CDH13: variants seen among roughly 807,000 people sequenced by gnomAD.
The protein encoded by CDH13 is cadherin-13.
CDH13 carries 24 observed loss-of-function variants against 63.8 expected under a neutral mutation model. That is an observed-to-expected ratio of 0.38 (90% CI 0.27 to 0.53). CDH13 has a LOEUF of 0.53. Ranked by LOEUF, CDH13 falls within the 20% of genes least tolerant of loss-of-function variation. CDH13 has a pLI of 0.85. For synonymous variants in CDH13, 503 were observed against 355.3 expected (o/e 1.42, Z -4.67); for missense variants, 1,049 against 903.1 (o/e 1.16, Z -2.07).
At chr16:83,152,042 A>G (rs1225365973) in intron 4 of CDH13, among the ~76,000 whole-genome samples, 1 of 152,218 alleles carries the variant, frequency 6.6e-6, no homozygotes, top group Admixed American at 6.5e-5. Context: ...GATTTAGTCT[A>G]TAACCATTGA....
intron 1 of CDH13, among the ~76,000 whole-genome samples, chr16:82,742,944 T>C (rs2033998646): frequency 6.6e-6 from 1 of 152,222 alleles, no homozygotes; most frequent in Non-Finnish European, 1.5e-5. Context: ...ATTAATGTAA[T>C]TTTAAGTGCA....
intron 1 of CDH13, among the ~76,000 whole-genome samples, chr16:82,845,641 A>C (rs1040896669): frequency 2.0e-5 from 3 of 152,090 alleles, no homozygotes; most frequent in African/African-American, 7.2e-5. Flanking sequence ...GTAGGCATTC[A>C]TTATTTTCTC....
intron 2 of CDH13, among the ~76,000 whole-genome samples, chr16:83,015,724 A>AGAG (rs1555562946): frequency 4.1e-5 from 2 of 49,094 alleles, no homozygotes; most frequent in African/African-American, 6.1e-5. Flanking sequence ...TATATATATA[A>AGAG]AGAAAAAGCA....
At chr16:83,223,550 A>G (rs1248090446) in intron 5 of CDH13, among the ~76,000 whole-genome samples, 3 of 152,124 alleles carry the variant, frequency 2.0e-5, no homozygotes, top group African/African-American at 7.2e-5. Context: ...GATGCTCACA[A>G]CTGGATGTGG....
intron 3 of CDH13, among the ~76,000 whole-genome samples, chr16:83,037,709 T>C (rs1916989076): frequency 4.6e-5 from 7 of 152,150 alleles, no homozygotes; most frequent in Admixed American, 2.6e-4. Context: ...AGTACAAATT[T>C]GAAGGAAGAA....
intron 4 of CDH13, among the ~76,000 whole-genome samples, chr16:83,191,533 A>ATG (rs1479926790): frequency 3.0e-5 from 2 of 67,238 alleles, no homozygotes; most frequent in African/African-American, 1.4e-4. Flanking sequence ...ACACACACAT[A>ATG]TATATATATA....
At chr16:83,331,175 C>A (rs1490889035) in intron 5 of CDH13, among the ~76,000 whole-genome samples, 2 of 152,134 alleles carry the variant, frequency 1.3e-5, no homozygotes, top group Non-Finnish European at 2.9e-5. Context: ...TAAAACCCAC[C>A]TTTGGAATCT....
rs907490659 is a variant in CDH13, at chr16:82,719,325, A to G, written c.45+92188A>G. On this transcript the variant is annotated intron_variant, in intron 1 of 13. Coordinates refer to ENST00000567109, the MANE Select transcript of CDH13 (RefSeq NM_001257.5). ...GGAGATGCACTGTTACTAAAGACTTAAAGCTTGGAACTTAAAAGTCTACAT... is the reference window on the plus strand; with the variant it reads ...GGAGATGCACTGTTACTAAAGACTTGAAGCTTGGAACTTAAAAGTCTACAT... The G allele has an allele frequency of 1.5e-5, 7 of 454,972 alleles. 1 individual carries two copies. The highest frequency in any genetic ancestry group is 1.4e-4 in the African/African-American group (7 of 50,022). 28.2% of individuals were successfully genotyped at this position (454,972 alleles called of 1,614,324 possible). A position where few individuals can be genotyped will look rare whatever the true frequency, so the allele number is the denominator to read the frequency against.
Position 83,014,754 on chromosome 16 carries a change from A to ATATATATATATATG in CDH13, c.158-17243_158-17242insGTATATATATATAT, listed in dbSNP as rs1567745526. ...TAAAAAAAAAAAAAAATATATATAT[A>ATATATATATATATG]TATATATATATATATATATATGTAT... is the stretch of plus-strand genomic sequence containing the variant. On this transcript the variant is annotated intron_variant, in intron 2 of 13. Transcript: ENST00000567109. Among the ~76,000 whole-genome samples the ATATATATATATATG allele has an allele frequency of 8.8e-4, 38 of 43,372 alleles. 1 individual carries two copies. Among genetic ancestry groups the ATATATATATATATG allele is most frequent in the African/African-American group, 2.8e-3 (35 of 12,316 alleles). 28.5% of individuals were successfully genotyped at this position (43,372 alleles called of 152,430 possible). A position where few individuals can be genotyped will look rare whatever the true frequency, so the allele number is the denominator to read the frequency against.
At chr16:83,043,808 C>T (rs1392060551) in intron 3 of CDH13, among the ~76,000 whole-genome samples, 5 of 147,708 alleles carry the variant, frequency 3.4e-5, no homozygotes, top group Admixed American at 1.4e-4. Context: ...GTCTGGGCAA[C>T]GGAGCAAGTG....
chr16:83,593,071 T>C (rs762896698), intron 7 of CDH13, among the ~76,000 whole-genome samples: 4 of 152,204 alleles, frequency 2.6e-5, no homozygotes, highest in Non-Finnish European at 5.9e-5. Context: ...CTGCTTCAGA[T>C]AGTGTTTTCA....
chr16:82,976,010 G>A (rs570803686), intron 2 of CDH13, among the ~76,000 whole-genome samples: 2 of 152,188 alleles, frequency 1.3e-5, no homozygotes, highest in Admixed American at 6.5e-5. Flanking sequence ...AAAACAGCAC[G>A]GTAAGGATTC....
At chr16:82,869,177 G>T (rs973261954) in intron 2 of CDH13, among the ~76,000 whole-genome samples, 2 of 152,128 alleles carry the variant, frequency 1.3e-5, no homozygotes. Flanking sequence ...CTTCCGAGTA[G>T]CTGGGACTAC....
At chr16:82,842,310 T>A (rs2151134768) in intron 1 of CDH13, among the ~76,000 whole-genome samples, 1 of 151,854 alleles carries the variant, frequency 6.6e-6, no homozygotes, top group Non-Finnish European at 1.5e-5. Context: ...TGAGTCCTTC[T>A]GAGTAGTAAC....
At chr16:83,237,183 G>A (rs1038893317) in intron 5 of CDH13, among the ~76,000 whole-genome samples, 1 of 152,166 alleles carries the variant, frequency 6.6e-6, no homozygotes, top group African/African-American at 2.4e-5. Context: ...CACAAGAGAG[G>A]CCCTCAAGAG....
rs573009420 is a variant in CDH13 at position 83,504,479 on chromosome 16, C to T, written c.960+17824C>T. ...CTGTCCAGTGTCGCTACCACTGGGACGGGCAATGGGAGGCATCTGAGGCTT... is the reference window on the plus strand; with the variant it reads ...CTGTCCAGTGTCGCTACCACTGGGATGGGCAATGGGAGGCATCTGAGGCTT... On this transcript the variant is annotated intron_variant, in intron 7 of 13. Transcript: ENST00000567109. Among the ~76,000 whole-genome samples the T allele has an allele frequency of 5.9e-5, 9 of 152,324 alleles. No homozygotes were observed. In the South Asian group the frequency reaches 8.3e-4, roughly 14 times the overall value.
At chr16:82,887,734 T>C (rs189264390) in intron 2 of CDH13, among the ~76,000 whole-genome samples, 265 of 152,180 alleles carry the variant, frequency 1.7e-3, no homozygotes, top group African/African-American at 6.2e-3. Context: ...GGCAGGAGAA[T>C]TGCTTGAACC....
At chr16:83,130,633 C>G (rs1330393722) in intron 4 of CDH13, among the ~76,000 whole-genome samples, 2 of 152,144 alleles carry the variant, frequency 1.3e-5, no homozygotes, top group African/African-American at 4.8e-5. Flanking sequence ...TTCGAGTTTT[C>G]TCTGCATTTG....
At chr16:82,893,450 A>G (rs1262072364) in intron 2 of CDH13, among the ~76,000 whole-genome samples, 1 of 152,240 alleles carries the variant, frequency 6.6e-6, no homozygotes, top group African/African-American at 2.4e-5. Flanking sequence ...TGGGTTTCTA[A>G]TCATTGTTAA....
Sources: gnomAD v4.1 joint callset for allele counts (sites outside exome capture counted in the v4.1 genomes callset) on GRCh38, gnomAD v4.1.1 for gene constraint, MANE v1.5 for transcripts, NCBI Gene and HGNC (gene_info 2026-07-23, HGNC 2026-07-21) for gene names.